DPYSL2: variants seen among roughly 807,000 people sequenced by gnomAD.
DPYSL2 encodes dihydropyrimidinase like 2.
In DPYSL2, 13 loss-of-function variants were observed where a neutral mutation model predicts 69.9. The observed-to-expected ratio is 0.19, with a 90% CI of 0.12 to 0.30. DPYSL2 has a LOEUF of 0.30. Ranked by LOEUF, DPYSL2 falls within the 10% of genes least tolerant of loss-of-function variation. DPYSL2 has a pLI of 1.00. For synonymous variants in DPYSL2, 326 were observed against 359.1 expected, an observed-to-expected ratio of 0.91 and a Z score of 1.04; for missense variants, 587 against 918.9, an observed-to-expected ratio of 0.64 and a Z score of 4.67.
chr8:26,566,983 T>G (rs1211304615), intron 1 of DPYSL2, among the ~76,000 whole-genome samples: 6 of 151,642 alleles, frequency 4.0e-5, no homozygotes, highest in African/African-American at 1.5e-4. Flanking sequence ...ACCCGTCATC[T>G]GTCTATCCAT....
chr8:26,544,136 T>C (rs1372696789), intron 1 of DPYSL2, among the ~76,000 whole-genome samples: 1 of 152,242 alleles, frequency 6.6e-6, no homozygotes, highest in South Asian at 2.1e-4. Flanking sequence ...TTTTGTCATA[T>C]GCTGGCGACC....
rs1261734787 is a variant in DPYSL2, at chr8:26,556,285, A to ATACT, written c.355-25684_355-25683insTACT. Among the ~76,000 whole-genome samples the ATACT allele has an allele frequency of 4.9e-3, 15 of 3,072 alleles. 2 individuals carry two copies. Among genetic ancestry groups the ATACT allele is most frequent in the South Asian group, 0.014 (2 of 146 alleles). The allele number at this position is 3,072 out of a possible 152,430, so 2.0% of individuals were successfully genotyped here. A position where few individuals can be genotyped will look rare whatever the true frequency, so the allele number is the denominator to read the frequency against. ...ACTATAGTATATATAGTATTTATAT[A>ATACT]ATATATATAGTATATATATAGTATA... On this transcript the variant is annotated intron_variant, in intron 1 of 13. Transcript: ENST00000521913.
In DPYSL2 at chr8:26,616,758, G is replaced by A. The variant is rs117833103; in HGVS notation, c.629-7385G>A. Among the ~76,000 whole-genome samples the A allele has an allele frequency of 6.0e-4, 91 of 152,282 alleles. 1 individual carries two copies. The East Asian group carries it at 0.017, about 28-fold the overall frequency. ...CTCCCTCTTCCCTCCTGCTCCACGGGTGTAACCTTGAGGTGGGATTGGAGG... is the reference window on the plus strand; with the variant it reads ...CTCCCTCTTCCCTCCTGCTCCACGGATGTAACCTTGAGGTGGGATTGGAGG... On this transcript the variant is annotated intron_variant, in intron 3 of 13. Transcript: ENST00000521913.
rs377759327 is a variant in DPYSL2, at chr8:26,572,116, C to G, written c.355-9853C>G. On this transcript the variant is annotated intron_variant, in intron 1 of 13. Coordinates refer to ENST00000521913, the MANE Select transcript of DPYSL2 (RefSeq NM_001197293.3). ...GGATTTTCTTTGCCACCTCTGGGCTCTGTTTTGTCAGCAGTTTCTGCTCTG... is the reference window on the plus strand; with the variant it reads ...GGATTTTCTTTGCCACCTCTGGGCTGTGTTTTGTCAGCAGTTTCTGCTCTG... Among the ~76,000 whole-genome samples, 4 of 152,328 alleles carry G rather than the reference C, an allele frequency of 2.6e-5. No homozygotes were observed. The South Asian group carries it at 8.3e-4, about 32-fold the overall frequency.
At position 26,605,653 on chromosome 8, in the gene DPYSL2, A is replaced by G. The variant is rs1802091565; in HGVS notation, c.629-18490A>G. Among the ~76,000 whole-genome samples, 1 of 152,256 alleles carries G rather than the reference A, an allele frequency of 6.6e-6. No homozygotes were observed. Among genetic ancestry groups the G allele is most frequent in the Admixed American group, 6.5e-5 (1 of 15,276 alleles). On this transcript the variant is annotated intron_variant, in intron 3 of 13. Coordinates refer to ENST00000521913, the MANE Select transcript of DPYSL2 (RefSeq NM_001197293.3). This position sits in a 1 kb window ranked among gnomAD's most constrained non-coding sequence, Gnocchi z 4.1. ...GTTTATGAAGATGACTGACTTAAAA[A>G]TAATGTATTAAAAATTAATAGCTTC...
intron 3 of DPYSL2, among the ~76,000 whole-genome samples, chr8:26,596,363 A>C (rs1192234429): frequency 6.6e-6 from 1 of 152,222 alleles, no homozygotes; most frequent in Non-Finnish European, 1.5e-5. Context: ...CAGCAGTGCA[A>C]ACCAGGGCTG....
rs1803018280 is a variant in DPYSL2, at chr8:26,640,566, G to A, written c.1127-2873G>A. 6.6e-6 allele frequency among the ~76,000 whole-genome samples: 1 copy of A among 152,186 alleles called. No homozygotes were observed. Among genetic ancestry groups the A allele is most frequent in the Non-Finnish European group, 1.5e-5 (1 of 68,044 alleles). Reference sequence around the variant, plus strand: ...TATAGACCCAGGAGGGGAGCCCTGGGTTGGGAGCTCCAGACCACTGGGGAT... The same window carrying A: ...TATAGACCCAGGAGGGGAGCCCTGGATTGGGAGCTCCAGACCACTGGGGAT... On this transcript the variant is annotated intron_variant, in intron 8 of 13. Transcript: ENST00000521913. This position sits in a 1 kb window ranked among gnomAD's most constrained non-coding sequence, Gnocchi z 4.2.
intron 1 of DPYSL2, among the ~76,000 whole-genome samples, chr8:26,561,037 C>T (rs1801061972): frequency 6.6e-6 from 1 of 152,054 alleles, no homozygotes. Context: ...CTCTACCTGC[C>T]GTCAGCAGCC....
At chr8:26,638,523 G>A (rs965360811) in intron 8 of DPYSL2, among the ~76,000 whole-genome samples, 5 of 152,148 alleles carry the variant, frequency 3.3e-5, no homozygotes, top group Admixed American at 2.6e-4. Flanking sequence ...GAGCCAGCAC[G>A]ACTGCATCCT....
intron 1 of DPYSL2, among the ~76,000 whole-genome samples, chr8:26,576,630 G>A (rs2129707544): frequency 6.6e-6 from 1 of 152,346 alleles, no homozygotes; most frequent in African/African-American, 2.4e-5. Context: ...CAATTGCTAG[G>A]ACCACGAAGG....
chr8:26,539,388 C>T (rs912868381), intron 1 of DPYSL2, among the ~76,000 whole-genome samples: 10 of 152,156 alleles, frequency 6.6e-5, no homozygotes, highest in African/African-American at 1.2e-4. Context: ...AATATTTAAA[C>T]GGTGTTACTG....
At position 26,657,220 on chromosome 8, in the gene DPYSL2, A is replaced by C. The variant is rs1743575847; in HGVS notation, c.*1514A>C. 6.6e-6 allele frequency: 1 copy of C among 152,594 alleles called. No individual in the cohort carries two copies. The highest frequency in any genetic ancestry group is 1.5e-5 in the Non-Finnish European group (1 of 68,038). 9.5% of individuals were successfully genotyped at this position (152,594 alleles called of 1,614,324 possible). On this transcript the variant is annotated 3_prime_UTR_variant, in exon 14 of 14. Coordinates refer to ENST00000521913, the MANE Select transcript of DPYSL2 (RefSeq NM_001197293.3). Reference sequence around the variant, plus strand: ...TCACATCAGAACTCCTGTGGGGAGGAAACCTTATAAATTAAACACATGGCC... The same window carrying C: ...TCACATCAGAACTCCTGTGGGGAGGCAACCTTATAAATTAAACACATGGCC...
At chr8:26,577,163 TC>T in intron 1 of DPYSL2, 1 of 447,086 alleles carries the variant, frequency 2.2e-6, no homozygotes. Context: ...GGCTCTCATT[TC>T]CTGCAGCCCG....
At chr8:26,524,523 C>T (rs1375049309) in intron 1 of DPYSL2, among the ~76,000 whole-genome samples, 5 of 151,932 alleles carry the variant, frequency 3.3e-5, no homozygotes, top group African/African-American at 4.8e-5. Context: ...GAGGGCCGAG[C>T]GCGCTAGCTC....
chr8:26,514,422 A>C lies in DPYSL2; in HGVS notation c.97A>C (p.Lys33Gln), dbSNP rs1161874012. The change falls in exon 1 of 14, where the codon AAA becomes CAA. Residue 33 changes from lysine (K) to glutamine (Q), a missense_variant. Physicochemically the swap from Lys to Gln is moderately conservative, Grantham distance 53 (BLOSUM62 1). Transcript: ENST00000521913. This position sits in a 1 kb window ranked among gnomAD's most constrained non-coding sequence, Gnocchi z 8.4. Reference protein sequence around the residue: ...LGSGSPKPRQKFCGMFCPVEG... With the variant: ...LGSGSPKPRQQFCGMFCPVEG... ...CTCCGGCAGCCCCAAGCCCCGGCAG[A>C]AATTCTGTGGCATGTTCTGCCCGGT... 2.0e-6 allele frequency: 3 copies of C among 1,518,080 alleles called. No homozygotes were observed. Among genetic ancestry groups the C allele is most frequent in the Non-Finnish European group, 2.6e-6 (3 of 1,139,586 alleles). 94.0% of individuals were successfully genotyped at this position (1,518,080 alleles called of 1,614,324 possible). A position where few individuals can be genotyped will look rare whatever the true frequency, so the allele number is the denominator to read the frequency against.
In DPYSL2 at chr8:26,642,364, G is replaced by A. The variant is rs1042717574; in HGVS notation, c.1127-1075G>A. ...GAGGAGATCAGCTTCCAGTAGTGAAGAGCATCTGATGCTTTGGTGAGGAGG... is the reference window on the plus strand; with the variant it reads ...GAGGAGATCAGCTTCCAGTAGTGAAAAGCATCTGATGCTTTGGTGAGGAGG... On this transcript the variant is annotated intron_variant, in intron 8 of 13. Coordinates refer to ENST00000521913, the MANE Select transcript of DPYSL2 (RefSeq NM_001197293.3). The surrounding 1 kb of genome is among the most constrained non-coding windows in gnomAD (Gnocchi z 5.3). 3.3e-5 allele frequency among the ~76,000 whole-genome samples: 5 copies of A among 152,180 alleles called. No individual in the cohort carries two copies. Among genetic ancestry groups the A allele is most frequent in the Non-Finnish European group, 7.3e-5 (5 of 68,030 alleles).
intron 1 of DPYSL2, among the ~76,000 whole-genome samples, chr8:26,518,699 G>A (rs1024210046): frequency 5.9e-5 from 9 of 152,078 alleles, no homozygotes; most frequent in African/African-American, 1.2e-4. Flanking sequence ...AAATGACACC[G>A]TTTATGTTCT....
chr8:26,637,464 A>G (rs1802946692), intron 8 of DPYSL2: 1 of 152,226 alleles, frequency 6.6e-6, no homozygotes, highest in Non-Finnish European at 1.5e-5. Context: ...TCAGGCATCT[A>G]ACTTGAGGCC....
intron 1 of DPYSL2, among the ~76,000 whole-genome samples, chr8:26,518,535 G>A (rs1808331279): frequency 1.3e-5 from 2 of 152,090 alleles, no homozygotes; most frequent in South Asian, 4.1e-4. Flanking sequence ...ACATTGTTAT[G>A]CAACCAATCT....
Sources: allele counts gnomAD v4.1 joint callset (sites outside exome capture counted in the v4.1 genomes callset), GRCh38; gene constraint gnomAD v4.1.1; non-coding constraint Gnocchi (gnomAD v3.1); transcripts MANE v1.5; gene names NCBI Gene and HGNC (gene_info 2026-07-23, HGNC 2026-07-21).